TMEM35B: variants seen among roughly 807,000 people sequenced by gnomAD.
TMEM35B encodes the protein transmembrane protein 35B.
Under a neutral mutation model 8.7 loss-of-function variants are expected in TMEM35B, and 6 were observed. That is an observed-to-expected ratio of 0.69 (90% CI 0.38 to 1.36). The LOEUF is 1.36. Ranked by LOEUF, TMEM35B falls within the 40% of genes most tolerant of loss-of-function variation. The pLI is 0.02. For synonymous variants in TMEM35B, 89 were observed against 87.0 expected, an observed-to-expected ratio of 1.02 and a Z score of -0.13; for missense variants, 176 against 181.6, an observed-to-expected ratio of 0.97 and a Z score of 0.18.
At chr1:34,982,528 T>G (rs1640518853) in intron 2 of TMEM35B, among the ~76,000 whole-genome samples, 1 of 149,928 alleles carries the variant, frequency 6.7e-6, no homozygotes, top group Admixed American at 6.7e-5. Flanking sequence ...CGTGATCTCC[T>G]GCCAGCCTTC....
exon 2 of TMEM35B, chr1:34,983,828 C>A: frequency 6.5e-7 from 1 of 1,546,884 alleles, no homozygotes; most frequent in Non-Finnish European, 8.7e-7. Context: ...GGCCCATGAC[C>A]AGCAGCAACC....
chr1:34,985,130 G>T (rs1017309962), intron 1 of TMEM35B, 68 bp downstream of exon 1: 16 of 1,262,476 alleles, frequency 1.3e-5, no homozygotes, highest in Non-Finnish European at 1.6e-5. Context: ...GGCCGGGGGC[G>T]AGGAGCGGCA....
At chr1:34,983,430 T>C (rs892974957) in intron 2 of TMEM35B, among the ~76,000 whole-genome samples, 5 of 151,424 alleles carry the variant, frequency 3.3e-5, no homozygotes, top group Non-Finnish European at 7.4e-5. Context: ...TACAAAAAAA[T>C]CAGTCGGGCG....
chr1:34,985,089 T>A, intron 1 of TMEM35B, 109 bp downstream of exon 1: 2 of 812,764 alleles, frequency 2.5e-6, no homozygotes, highest in East Asian at 3.4e-5. Context: ...CAGCTCCAGC[T>A]GAGCCTCGGA....
chr1:34,985,280 C>G, exon 1 of TMEM35B: 1 of 1,542,284 alleles, frequency 6.5e-7, no homozygotes, highest in Non-Finnish European at 8.7e-7. Context: ...CAGCAGTACA[C>G]GCAGCACCGA....
chr1:34,983,953 G>A lies in TMEM35B; in HGVS notation c.109-6C>T, dbSNP rs2148438467. The A allele has an allele frequency of 6.8e-7, 1 of 1,477,602 alleles. No individual in the cohort carries two copies. The allele number at this position is 1,477,602 out of a possible 1,614,324, so 91.5% of individuals were successfully genotyped here. A position where few individuals can be genotyped will look rare whatever the true frequency, so the allele number is the denominator to read the frequency against. ...AACTGCACGAACAGGGCATTCTAGG[G>A]GTGGCAAGGAATGCCTGTTAGCCTC... is the stretch of plus-strand genomic sequence containing the variant. On this transcript the variant is annotated splice_region_variant and splice_polypyrimidine_tract_variant and intron_variant, in intron 1 of 2. Transcript: ENST00000373337.
exon 3 of TMEM35B, chr1:34,981,847 C>T: frequency 1.6e-6 from 2 of 1,263,076 alleles, no homozygotes; most frequent in South Asian, 4.0e-5. Flanking sequence ...TCAACACTGG[C>T]TGACCCTGGA....
At chr1:34,981,524 G>A (rs964500209), downstream of TMEM35B, 13 of 152,406 alleles carry the variant, frequency 8.5e-5, no homozygotes, top group African/African-American at 2.7e-4. Context: ...TGAGGCAAAA[G>A]AGACATGAAA....
chr1:34,985,114 C>T (rs1640552819), intron 1 of TMEM35B, 84 bp downstream of exon 1: 1 of 1,128,638 alleles, frequency 8.9e-7, no homozygotes, highest in Admixed American at 4.1e-5. Context: ...CGAAGGCGGC[C>T]TGCCGGGCCG....
chr1:34,981,860 T>C, exon 3 of TMEM35B: 1 of 1,352,960 alleles, frequency 7.4e-7, no homozygotes, highest in Non-Finnish European at 9.7e-7. Context: ...ACCCTGGATA[T>C]TATACTGGTA....
intron 2 of TMEM35B, 114 bp from the exon 3 acceptor site, chr1:34,982,233 C>G: frequency 1.2e-6 from 1 of 826,844 alleles, no homozygotes; most frequent in Non-Finnish European, 1.8e-6. Context: ...CCATTAAACA[C>G]CCCCACCACT....
rs908166641 is a variant in TMEM35B, at chr1:34,981,896, C to A, written c.*48G>T. The A allele has an allele frequency of 2.7e-5, 40 of 1,461,620 alleles. 1 individual carries two copies. The African/African-American group carries it at 4.4e-4, about 16-fold the overall frequency. The allele number at this position is 1,461,620 out of a possible 1,614,324, so 90.5% of individuals were successfully genotyped here. ...ACAAGATGATAGACTCTGTGTTCTA[C>A]CATGTTCCTGCTGTGACAGCTGCAT... is the stretch of plus-strand genomic sequence containing the variant. On this transcript the variant is annotated 3_prime_UTR_variant, in exon 3 of 3. Coordinates refer to ENST00000373337, the Ensembl canonical transcript of TMEM35B.
intron 2 of TMEM35B, among the ~76,000 whole-genome samples, chr1:34,983,325 T>A (rs1038135731): frequency 6.6e-6 from 1 of 152,242 alleles, no homozygotes. Context: ...AAGCCTGTAA[T>A]CCTAGCACTT....
intron 1 of TMEM35B, 39 bp downstream of exon 1, chr1:34,985,159 C>T (rs1276159081): frequency 1.3e-6 from 2 of 1,485,946 alleles, no homozygotes; most frequent in Admixed American, 2.1e-5. Context: ...CACACGCCGC[C>T]GCGGGCCCGA....
At chr1:34,983,526 C>T (rs918319959) in intron 2 of TMEM35B, among the ~76,000 whole-genome samples, 3 of 128,024 alleles carry the variant, frequency 2.3e-5, no homozygotes, top group Non-Finnish European at 4.6e-5. Context: ...TTGCAGTGAG[C>T]AGAGATAGTG....
exon 1 of TMEM35B, chr1:34,985,327 G>A: frequency 2.6e-6 from 4 of 1,514,924 alleles, no homozygotes; most frequent in Non-Finnish European, 3.5e-6. Flanking sequence ...CCCCACCGTG[G>A]GTTGGCCCCG....
At chr1:34,984,131 G>A (rs1235988504) in intron 1 of TMEM35B, among the ~76,000 whole-genome samples, 184 bp from the exon 2 acceptor site, 1 of 152,202 alleles carries the variant, frequency 6.6e-6, no homozygotes, top group Non-Finnish European at 1.5e-5. Flanking sequence ...CTGAGCTTTG[G>A]AATCAGGAAA....
Position 34,981,971 on chromosome 1 carries a change from T to TA in TMEM35B, c.437dup (p.Ser147LysfsTer45). Reference sequence around the variant, plus strand: ...ACTTCCAGGATTCCTTGAATGTACTTAGAGTCTTCTTCCTAGTGGGTCTGA... The same window carrying TA: ...ACTTCCAGGATTCCTTGAATGTACTTAAGAGTCTTCTTCCTAGTGGGTCTGA... On this transcript the variant is annotated frameshift_variant, in exon 3 of 3. Coordinates refer to ENST00000373337, the Ensembl canonical transcript of TMEM35B. LOFTEE classifies it low-confidence loss of function (END_TRUNC). 3 of 1,547,502 alleles carry TA rather than the reference T, an allele frequency of 1.9e-6. No homozygotes were observed. The highest frequency in any genetic ancestry group is 2.4e-5 in the East Asian group (1 of 40,880).
chr1:34,983,558 G>T (rs1020103345), intron 2 of TMEM35B, among the ~76,000 whole-genome samples: 18 of 112,152 alleles, frequency 1.6e-4, no homozygotes, highest in African/African-American at 6.8e-4. Flanking sequence ...CAGCCTGGGC[G>T]AAAGAGCGAG....
Sources: allele counts gnomAD v4.1 joint callset (sites outside exome capture counted in the v4.1 genomes callset), GRCh38; gene constraint gnomAD v4.1.1; transcripts MANE v1.5; gene names NCBI Gene and HGNC (gene_info 2026-07-23, HGNC 2026-07-21).